ASTN2: variants seen among roughly 807,000 people sequenced by gnomAD.
ASTN2 encodes astrotactin-2.
Under a neutral mutation model 139.8 loss-of-function variants are expected in ASTN2, and 54 were observed. The ratio of observed to expected loss-of-function variants is 0.39; its 90% CI spans 0.31 to 0.48. ASTN2 has a LOEUF of 0.48. Among genes scored for constraint, ASTN2 ranks in the 20% least tolerant of loss-of-function variants. The probability of loss-of-function intolerance (pLI) is 0.95; values close to 1 mark genes in which losing one functional copy is unlikely to be tolerated. For missense variants in ASTN2, 1,565 were observed against 1,725.1 expected, an observed-to-expected ratio of 0.91 and a Z score of 1.64; for synonymous variants, 756 against 719.5, an observed-to-expected ratio of 1.05 and a Z score of -0.81.
chr9:117,036,544 C>A (rs1243904493), intron 6 of ASTN2, among the ~76,000 whole-genome samples: 4 of 152,074 alleles, frequency 2.6e-5, no homozygotes, highest in Admixed American at 2.6e-4. Context: ...ACCTACACTC[C>A]AATCATCTCC....
chr9:117,181,057 A>G lies in ASTN2; in HGVS notation c.1015+33301T>C, dbSNP rs1031362595. On this transcript the variant is annotated intron_variant, in intron 3 of 22. Transcript: ENST00000313400. ...CGCAAGGTCAGAAACATAAACATAC[A>G]TCTGAAAGGCCTGTTTCCATGGTCC... 16 of 1,421,936 alleles carry G rather than the reference A, an allele frequency of 1.1e-5. No individual in the cohort carries two copies. In the Admixed American group the frequency reaches 2.3e-4, roughly 21 times the overall value. 88.1% of individuals were successfully genotyped at this position (1,421,936 alleles called of 1,614,324 possible). A position where few individuals can be genotyped will look rare whatever the true frequency, so the allele number is the denominator to read the frequency against.
intron 1 of ASTN2, among the ~76,000 whole-genome samples, chr9:117,386,865 A>T (rs951173114): frequency 9.2e-5 from 14 of 152,152 alleles, no homozygotes; most frequent in South Asian, 2.1e-4. Context: ...TCTCCCTAGG[A>T]GAAAGAAGAG....
intron 7 of ASTN2, among the ~76,000 whole-genome samples, chr9:117,004,349 G>A (rs1337076864): frequency 2.0e-5 from 3 of 152,030 alleles, no homozygotes; most frequent in African/African-American, 7.2e-5. Flanking sequence ...TTGGACTCCT[G>A]GGCTCAAGCG....
chr9:117,086,523 G>C (rs1828566596), intron 5 of ASTN2, among the ~76,000 whole-genome samples: 1 of 152,158 alleles, frequency 6.6e-6, no homozygotes, highest in Non-Finnish European at 1.5e-5. Context: ...GCAGTGAGCT[G>C]AGATCGTACC....
chr9:116,619,598 A>T (rs570771404), intron 18 of ASTN2, among the ~76,000 whole-genome samples: 1 of 151,804 alleles, frequency 6.6e-6, no homozygotes, highest in East Asian at 1.9e-4. Flanking sequence ...AGCATGGATC[A>T]CTGCAGCCTT....
chr9:116,863,486 G>T, intron 11 of ASTN2, 97 bp downstream of exon 11: 4 of 1,485,074 alleles, frequency 2.7e-6, no homozygotes, highest in East Asian at 2.3e-5. Context: ...GTGTGGATAT[G>T]ATCCTCCTTA....
intron 1 of ASTN2, among the ~76,000 whole-genome samples, chr9:117,298,893 T>C (rs1005640755): frequency 6.6e-6 from 1 of 151,980 alleles, no homozygotes; most frequent in Non-Finnish European, 1.5e-5. Context: ...AGCCGTCCCA[T>C]ATTTGAAGTC....
intron 13 of ASTN2, among the ~76,000 whole-genome samples, chr9:116,753,262 AT>A (rs1336475969): frequency 6.6e-6 from 1 of 152,246 alleles, no homozygotes; most frequent in Non-Finnish European, 1.5e-5. Flanking sequence ...AAAGGGCTTC[AT>A]ACTGCATGGT....
intron 2 of ASTN2, among the ~76,000 whole-genome samples, chr9:117,233,684 TAA>T (rs879489116): frequency 5.3e-5 from 8 of 152,240 alleles, no homozygotes; most frequent in African/African-American, 1.4e-4. Context: ...AATTTTTTTT[TAA>T]AAAAAAGAAT....
In ASTN2 at chr9:116,519,103, A is replaced by C. The variant is rs564538154; in HGVS notation, c.3356-31603T>G. 6.6e-5 allele frequency among the ~76,000 whole-genome samples: 10 copies of C among 152,292 alleles called. No individual in the cohort carries two copies. The East Asian group carries it at 1.7e-3, about 26-fold the overall frequency. On this transcript the variant is annotated intron_variant, in intron 19 of 22. Coordinates refer to ENST00000313400, the MANE Select transcript of ASTN2 (RefSeq NM_001365068.1). ...AGAGCACAAGACAGGTCAACAAGAC[A>C]GAAAATCAACAAAGAAACAATGGAC...
At chr9:117,387,588 C>A (rs955264221) in intron 1 of ASTN2, among the ~76,000 whole-genome samples, 14 of 152,070 alleles carry the variant, frequency 9.2e-5, no homozygotes, top group Non-Finnish European at 4.4e-5. Flanking sequence ...GGGTCTGTTA[C>A]ATTAGTGGGA....
intron 1 of ASTN2, among the ~76,000 whole-genome samples, chr9:117,349,381 C>T (rs1829320780): frequency 3.3e-5 from 5 of 152,114 alleles, no homozygotes; most frequent in African/African-American, 9.7e-5. Context: ...AAGTTTGCTT[C>T]GAACTTGTTG....
rs137920690 is a variant in ASTN2 at position 116,617,845 on chromosome 9, T to C, written c.3355+479A>G. 5.2e-3 allele frequency among the ~76,000 whole-genome samples: 794 copies of C among 152,296 alleles called. 4 individuals carry two copies. The highest frequency in any genetic ancestry group is 0.018 in the African/African-American group (759 of 41,566). On this transcript the variant is annotated intron_variant, in intron 19 of 22. Transcript: ENST00000313400. ...TGAGTGATAATCAAAGGTATCCCTC[T>C]TAAAAGCCAACATTCTCAAATGCTC...
At chr9:117,358,629 C>A (rs1383917442) in intron 1 of ASTN2, among the ~76,000 whole-genome samples, 2 of 152,120 alleles carry the variant, frequency 1.3e-5, no homozygotes, top group East Asian at 3.9e-4. Flanking sequence ...CGGAAATTAT[C>A]ATGTAATTTA....
At chr9:116,687,326 G>T in intron 16 of ASTN2, 1 of 969,180 alleles carries the variant, frequency 1.0e-6, no homozygotes, top group Non-Finnish European at 1.2e-6. Context: ...CGTGCGCAGA[G>T]GGAGGCAGGC....
intron 19 of ASTN2, among the ~76,000 whole-genome samples, chr9:116,520,830 A>C (rs1850839112): frequency 6.6e-6 from 1 of 152,156 alleles, no homozygotes; most frequent in South Asian, 2.1e-4. Context: ...AATGTACACA[A>C]ATCAGTAGCA....
chr9:117,248,536 G>A (rs1207808819), intron 2 of ASTN2, among the ~76,000 whole-genome samples: 1 of 152,196 alleles, frequency 6.6e-6, no homozygotes, highest in Non-Finnish European at 1.5e-5. Context: ...TGAGGCCATG[G>A]AGTTAGGTCA....
chr9:116,770,670 A>G (rs746861377), intron 13 of ASTN2, among the ~76,000 whole-genome samples: 10 of 152,146 alleles, frequency 6.6e-5, no homozygotes, highest in Non-Finnish European at 1.2e-4. Context: ...TTCTTATGGA[A>G]GCTTCTTTCC....
intron 1 of ASTN2, among the ~76,000 whole-genome samples, chr9:117,317,490 C>T (rs1456607571): frequency 6.6e-6 from 1 of 152,176 alleles, no homozygotes; most frequent in African/African-American, 2.4e-5. Context: ...AATGTAAGTT[C>T]TTGACTCCAT....
Sources: gnomAD v4.1 joint callset for allele counts (sites outside exome capture counted in the v4.1 genomes callset) on GRCh38, gnomAD v4.1.1 for gene constraint, MANE v1.5 for transcripts, NCBI Gene and HGNC (gene_info 2026-07-23, HGNC 2026-07-21) for gene names.